TSPAN31: variants seen among roughly 807,000 people sequenced by gnomAD.
The protein encoded by TSPAN31 is tetraspanin 31.
TSPAN31 carries 16 observed loss-of-function variants against 24.8 expected under a neutral mutation model. That is an observed-to-expected ratio of 0.64 (90% confidence interval 0.44 to 0.98). TSPAN31 has a LOEUF of 0.98. TSPAN31 is among the 50% of genes least tolerant of loss of function. The pLI, the probability that TSPAN31 is intolerant of heterozygous loss-of-function variation, is 0.00. For synonymous variants in TSPAN31, 87 were observed against 91.4 expected, an observed-to-expected ratio of 0.95 and a Z score of 0.27; for missense variants, 209 against 251.6, an observed-to-expected ratio of 0.83 and a Z score of 1.15.
rs1955129779 is a variant in TSPAN31 at position 57,745,051 on chromosome 12, T to A, written c.-104T>A. On this transcript the variant is annotated 5_prime_UTR_variant, in exon 1 of 6. Transcript: ENST00000257910. ...GCAGGCGCAGAGTATTGGGTTTGGC[T>A]GGCCTCGATTTAAAGAGACAGAAGC... 1.8e-6 allele frequency: 2 copies of A among 1,119,332 alleles called. No homozygotes were observed. The highest frequency in any genetic ancestry group is 1.5e-5 in the African/African-American group (1 of 64,620). The allele number at this position is 1,119,332 out of a possible 1,614,324, so 69.3% of individuals were successfully genotyped here. A position where few individuals can be genotyped will look rare whatever the true frequency, so the allele number is the denominator to read the frequency against.
rs2140384011 is a variant in TSPAN31 at position 57,749,510 on chromosome 12, G to A, written c.*2220G>A. 1 of 1,613,956 alleles carries A rather than the reference G, an allele frequency of 6.2e-7. No individual in the cohort carries two copies. The highest frequency in any genetic ancestry group is 8.5e-7 in the Non-Finnish European group (1 of 1,179,794). ...AGTTTCCACAGAAGAGAGGCCTAAGGTGAGAAGGGATATAAGGTAGCAGTC... is the reference window on the plus strand; with the variant it reads ...AGTTTCCACAGAAGAGAGGCCTAAGATGAGAAGGGATATAAGGTAGCAGTC... On this transcript the variant is annotated 3_prime_UTR_variant, in exon 6 of 6. Coordinates refer to ENST00000257910, the MANE Select transcript of TSPAN31 (RefSeq NM_005981.5).
In TSPAN31 at chr12:57,746,737, T is replaced by C; in HGVS notation, c.444+17T>C. The C allele has an allele frequency of 6.2e-7, 1 of 1,613,648 alleles. No homozygotes were observed. Among genetic ancestry groups the C allele is most frequent in the East Asian group, 2.2e-5 (1 of 44,880 alleles). ...TGCACTGCAGTGAGTGTGTTGGGGG[T>C]GGTGCAGCAGCCAGGGGAGGTAGGA... On this transcript the variant is annotated intron_variant, in intron 4 of 5. Transcript: ENST00000257910.
In TSPAN31 at chr12:57,748,994, C is replaced by G; in HGVS notation, c.*1704C>G. 4.0e-6 allele frequency: 3 copies of G among 756,858 alleles called. No individual in the cohort carries two copies. Among genetic ancestry groups the G allele is most frequent in the Non-Finnish European group, 6.6e-6 (3 of 456,644 alleles). The allele number at this position is 756,858 out of a possible 1,614,324, so 46.9% of individuals were successfully genotyped here. A position where few individuals can be genotyped will look rare whatever the true frequency, so the allele number is the denominator to read the frequency against. ...GTGCTGGGATTACAGGCGTGAGCCA[C>G]CGTGCCCAGCCAGGATGGGTTCTCT... is the stretch of plus-strand genomic sequence containing the variant. On this transcript the variant is annotated 3_prime_UTR_variant, in exon 6 of 6. Coordinates refer to ENST00000257910, the MANE Select transcript of TSPAN31 (RefSeq NM_005981.5).
intron 2 of TSPAN31, 68 bp downstream of exon 2, chr12:57,745,980 G>A: frequency 1.3e-6 from 2 of 1,542,286 alleles, no homozygotes; most frequent in Non-Finnish European, 1.7e-6. Context: ...GAAGATGTTA[G>A]AAGGGTAGGG....
chr12:57,746,640 G>A lies in TSPAN31; in HGVS notation c.364G>A (p.Glu122Lys). The A allele has an allele frequency of 2.5e-6, 4 of 1,614,128 alleles. No homozygotes were observed. Among genetic ancestry groups the A allele is most frequent in the Non-Finnish European group, 2.5e-6 (3 of 1,180,022 alleles). ...GGTCATGAGCAACAAGACTCGGGATGAACTGGAAAGAAGTTTTGATTGTTG... is the reference window on the plus strand; with the variant it reads ...GGTCATGAGCAACAAGACTCGGGATAAACTGGAAAGAAGTTTTGATTGTTG... ...WWVMSNKTRD[E>K]LERSFDCCGL... is the part of the protein sequence containing the mutation. The change falls in exon 4 of 6, where the codon GAA becomes AAA. Residue 122 changes from glutamate to lysine, a missense_variant. Physicochemically the swap from Glu to Lys is moderately conservative, Grantham distance 56. Coordinates refer to ENST00000257910, the MANE Select transcript of TSPAN31 (RefSeq NM_005981.5).
rs1955203879 is a variant in TSPAN31, at chr12:57,749,361, C to G, written c.*2071C>G. The G allele has an allele frequency of 6.2e-7, 1 of 1,613,982 alleles. No homozygotes were observed. Among genetic ancestry groups the G allele is most frequent in the Non-Finnish European group, 8.5e-7 (1 of 1,179,870 alleles). On this transcript the variant is annotated 3_prime_UTR_variant, in exon 6 of 6. Coordinates refer to ENST00000257910, the MANE Select transcript of TSPAN31 (RefSeq NM_005981.5). ...CTCTGGTCAGGAGGGTCCTCCAGTT[C>G]CCATCCCCATGGGCAGAGCCAGTTG... is the stretch of plus-strand genomic sequence containing the variant.
rs2140382491 is a variant in TSPAN31, at chr12:57,749,158, T to C, written c.*1868T>C. 6.2e-7 allele frequency: 1 copy of C among 1,613,974 alleles called. No homozygotes were observed. The highest frequency in any genetic ancestry group is 8.5e-7 in the Non-Finnish European group (1 of 1,179,804). On this transcript the variant is annotated 3_prime_UTR_variant, in exon 6 of 6. Transcript: ENST00000257910. ...TTTCCCCAGTCTCTATTTCTTTCCCTGTGCCCACAGCCATCTCCAGTACCA... is the reference window on the plus strand; with the variant it reads ...TTTCCCCAGTCTCTATTTCTTTCCCCGTGCCCACAGCCATCTCCAGTACCA...
At chr12:57,746,496 T>C (rs1308927933) in intron 3 of TSPAN31, 93 bp from the exon 4 acceptor site, 2 of 1,496,528 alleles carry the variant, frequency 1.3e-6, no homozygotes, top group African/African-American at 2.8e-5. Context: ...TATGCTTCTG[T>C]TTGACTTCCT....
intron 4 of TSPAN31, 25 bp from the exon 5 acceptor site, chr12:57,746,993 T>A: frequency 6.2e-7 from 1 of 1,600,008 alleles, no homozygotes; most frequent in African/African-American, 1.3e-5. Flanking sequence ...TTCACAACTT[T>A]GCATTCTTCA....
Position 57,749,954 on chromosome 12 carries a change from A to C in TSPAN31, c.*2664A>C. 2 of 209,436 alleles carry C rather than the reference A, an allele frequency of 9.5e-6. No individual in the cohort carries two copies. Among genetic ancestry groups the C allele is most frequent in the Non-Finnish European group, 9.7e-6 (1 of 102,774 alleles). The allele number at this position is 209,436 out of a possible 1,614,324, so 13.0% of individuals were successfully genotyped here. ...GGAGGTTGCAGTGAGCAGAGATCGC[A>C]CTACTGCACTCCAGCCTGGCGACAG... On this transcript the variant is annotated 3_prime_UTR_variant, in exon 6 of 6. Transcript: ENST00000257910.
At chr12:57,745,616 A>G in intron 1 of TSPAN31, 129 bp from the exon 2 acceptor site, 2 of 1,200,996 alleles carry the variant, frequency 1.7e-6, no homozygotes, top group Non-Finnish European at 2.4e-6. Context: ...GGATAGCACC[A>G]TCCCCAGCTC....
rs2140384421 is a variant in TSPAN31, at chr12:57,749,725, G to A, written c.*2435G>A. ...TTTTAAAAAAAAAGAAATGCCAGGTGCAGCGGCTCACGCCTGTAATCCTAG... is the reference window on the plus strand; with the variant it reads ...TTTTAAAAAAAAAGAAATGCCAGGTACAGCGGCTCACGCCTGTAATCCTAG... On this transcript the variant is annotated 3_prime_UTR_variant, in exon 6 of 6. Transcript: ENST00000257910. 3.4e-6 allele frequency: 2 copies of A among 596,024 alleles called. 1 individual carries two copies. Among genetic ancestry groups the A allele is most frequent in the South Asian group, 4.0e-5 (2 of 50,346 alleles). 36.9% of individuals were successfully genotyped at this position (596,024 alleles called of 1,614,324 possible). A position where few individuals can be genotyped will look rare whatever the true frequency, so the allele number is the denominator to read the frequency against.
rs2140383438 is a variant in TSPAN31 at position 57,749,373 on chromosome 12, G to A, written c.*2083G>A. On this transcript the variant is annotated 3_prime_UTR_variant, in exon 6 of 6. Coordinates refer to ENST00000257910, the MANE Select transcript of TSPAN31 (RefSeq NM_005981.5). ...GGGTCCTCCAGTTCCCATCCCCATG[G>A]GCAGAGCCAGTTGCCATCCTGGGTT... The A allele has an allele frequency of 6.2e-7, 1 of 1,613,532 alleles. No homozygotes were observed. The highest frequency in any genetic ancestry group is 8.5e-7 in the Non-Finnish European group (1 of 1,179,482).
chr12:57,747,362 G>T lies in TSPAN31; in HGVS notation c.*72G>T. 1 of 1,418,628 alleles carries T rather than the reference G, an allele frequency of 7.0e-7. No individual in the cohort carries two copies. Among genetic ancestry groups the T allele is most frequent in the Non-Finnish European group, 9.8e-7 (1 of 1,024,488 alleles). 87.9% of individuals were successfully genotyped at this position (1,418,628 alleles called of 1,614,324 possible). ...CTTCCTCCCTTAGGGAATATCTAGG[G>T]TCTGTAACCGTTTTGGTTTGAGAAA... On this transcript the variant is annotated 3_prime_UTR_variant, in exon 6 of 6. Coordinates refer to ENST00000257910, the MANE Select transcript of TSPAN31 (RefSeq NM_005981.5).
Position 57,748,704 on chromosome 12 carries a change from TTTTC to T in TSPAN31, c.*1418_*1421del, listed in dbSNP as rs767981106. ...AATACCTGGGATGAGCTTTCTTCTT[TTTTC>T]TTTTTTTTTTTTTTTGAGACGGAGT... On this transcript the variant is annotated 3_prime_UTR_variant, in exon 6 of 6. Transcript: ENST00000257910. The T allele has an allele frequency of 2.1e-4, 187 of 911,038 alleles. 1 individual carries two copies. Among genetic ancestry groups the T allele is most frequent in the Non-Finnish European group, 2.7e-4 (153 of 561,242 alleles). 56.4% of individuals were successfully genotyped at this position (911,038 alleles called of 1,614,324 possible).
chr12:57,745,379 G>A, intron 1 of TSPAN31, 162 bp downstream of exon 1: 1 of 750,236 alleles, frequency 1.3e-6, no homozygotes, highest in Non-Finnish European at 2.1e-6. Flanking sequence ...GGAGAGAGGA[G>A]ACTTCCGGTT....
In TSPAN31 at chr12:57,745,747, G is replaced by A; in HGVS notation, c.66G>A (p.Leu22=). 6.2e-7 allele frequency: 1 copy of A among 1,614,032 alleles called. No homozygotes were observed. Among genetic ancestry groups the A allele is most frequent in the Non-Finnish European group, 8.5e-7 (1 of 1,179,990 alleles). ...ALCALNVVYM[L]VSLLLIGVAA... is the part of the protein sequence containing the mutation. ...TGTATCCTGCTCTTTCTTCGTAGCT[G>A]GTGAGCTTGTTGCTCATTGGAGTGG... Residue 22 remains leucine, a splice_region_variant and synonymous_variant, in exon 2 of 6, where the codon CTG becomes CTA. Transcript: ENST00000257910.
rs1955207589 is a variant in TSPAN31, at chr12:57,749,560, T to C, written c.*2270T>C. Reference sequence around the variant, plus strand: ...CATTTTCAAAGATATCTTAGTTGAATGGTTACTGCTTAGTGGCTCAAAATA... The same window carrying C: ...CATTTTCAAAGATATCTTAGTTGAACGGTTACTGCTTAGTGGCTCAAAATA... On this transcript the variant is annotated 3_prime_UTR_variant, in exon 6 of 6. Coordinates refer to ENST00000257910, the MANE Select transcript of TSPAN31 (RefSeq NM_005981.5). 1.3e-6 allele frequency: 2 copies of C among 1,522,136 alleles called. No homozygotes were observed. Among genetic ancestry groups the C allele is most frequent in the South Asian group, 1.1e-5 (1 of 88,858 alleles). 94.3% of individuals were successfully genotyped at this position (1,522,136 alleles called of 1,614,324 possible). A position where few individuals can be genotyped will look rare whatever the true frequency, so the allele number is the denominator to read the frequency against.
chr12:57,749,068 C>G lies in TSPAN31; in HGVS notation c.*1778C>G. On this transcript the variant is annotated 3_prime_UTR_variant, in exon 6 of 6. Coordinates refer to ENST00000257910, the MANE Select transcript of TSPAN31 (RefSeq NM_005981.5). ...CTATTTGCAGCTGTAATAAAAACTA[C>G]AGCCCATCTACCAACCAAGTTTCAT... The G allele has an allele frequency of 7.5e-7, 1 of 1,330,524 alleles. No homozygotes were observed. Among genetic ancestry groups the G allele is most frequent in the African/African-American group, 1.4e-5 (1 of 69,422 alleles). The allele number at this position is 1,330,524 out of a possible 1,614,324, so 82.4% of individuals were successfully genotyped here.
Sources: gnomAD v4.1 joint callset for allele counts on GRCh38, gnomAD v4.1.1 for gene constraint, MANE v1.5 for transcripts, NCBI Gene and HGNC (gene_info 2026-07-23, HGNC 2026-07-21) for gene names.